Variants in EPHA3 observed in about 807,000 individuals in gnomAD.
The protein encoded by EPHA3 is ephrin type-A receptor 3.
In EPHA3, 42 loss-of-function variants were observed where a neutral mutation model predicts 107.1. The ratio of observed to expected loss-of-function variants is 0.39; its 90% confidence interval spans 0.31 to 0.51. The LOEUF (loss-of-function observed/expected upper bound fraction) is 0.51, where lower values mean the gene tolerates loss of function less well. Ranked by LOEUF, EPHA3 falls within the 20% of genes least tolerant of loss-of-function variation. The probability of loss-of-function intolerance (pLI) is 0.78; values close to 1 mark genes in which losing one functional copy is unlikely to be tolerated. For missense variants in EPHA3, 1,183 were observed against 1,211.2 expected (o/e 0.98, Z 0.35); for synonymous variants, 461 against 424.8 (o/e 1.09, Z -1.05).
At chr3:89,214,818 A>G (rs1704187072) in intron 3 of EPHA3, among the ~76,000 whole-genome samples, 1 of 151,888 alleles carries the variant, frequency 6.6e-6, no homozygotes, top group Non-Finnish European at 1.5e-5. Flanking sequence ...TTTATATTGT[A>G]TATTCAGAAA....
intron 3 of EPHA3, among the ~76,000 whole-genome samples, chr3:89,280,565 G>T (rs554334680): frequency 6.6e-6 from 1 of 152,128 alleles, no homozygotes; most frequent in Non-Finnish European, 1.5e-5. Context: ...AGAGAGTCAC[G>T]TGTGGTATAA....
chr3:89,209,807 T>C, intron 2 of EPHA3, 53 bp from the exon 3 acceptor site: 3 of 1,441,410 alleles, frequency 2.1e-6, no homozygotes, highest in Non-Finnish European at 2.8e-6. Context: ...TTATGTTGTA[T>C]TCGTTATTAT....
At chr3:89,124,738 A>G in intron 1 of EPHA3, among the ~76,000 whole-genome samples, 1 of 152,016 alleles carries the variant, frequency 6.6e-6, no homozygotes, top group East Asian at 1.9e-4. Flanking sequence ...ACATTGCAAG[A>G]TACTCAGGGT....
intron 2 of EPHA3, among the ~76,000 whole-genome samples, chr3:89,174,110 A>G (rs1187661816): frequency 6.6e-6 from 1 of 152,050 alleles, no homozygotes. Context: ...GAGATAAGTT[A>G]TAATAGTTTT....
chr3:89,214,655 C>T (rs1373242873), intron 3 of EPHA3, among the ~76,000 whole-genome samples: 1 of 151,796 alleles, frequency 6.6e-6, no homozygotes, highest in African/African-American at 2.4e-5. Flanking sequence ...GGTGATATTT[C>T]CTCCATTATC....
chr3:89,173,786 A>G (rs1437886130), intron 2 of EPHA3, among the ~76,000 whole-genome samples: 4 of 152,036 alleles, frequency 2.6e-5, no homozygotes, highest in Non-Finnish European at 5.9e-5. Context: ...GAACTAAAAC[A>G]ATGTGTTTAG....
intron 11 of EPHA3, among the ~76,000 whole-genome samples, chr3:89,424,053 C>T (rs570776329): frequency 2.6e-4 from 40 of 151,392 alleles, no homozygotes; most frequent in African/African-American, 9.4e-4. Flanking sequence ...CTCTAAATGC[C>T]GAGGCTAGTA....
chr3:89,132,105 G>T (rs1271840584), intron 2 of EPHA3, among the ~76,000 whole-genome samples: 2 of 152,174 alleles, frequency 1.3e-5, no homozygotes, highest in African/African-American at 4.8e-5. Context: ...TTTTCCTCCT[G>T]ATGGAGAGAT....
At chr3:89,357,787 C>G (rs1707999480) in intron 5 of EPHA3, among the ~76,000 whole-genome samples, 1 of 151,096 alleles carries the variant, frequency 6.6e-6, no homozygotes, top group African/African-American at 2.4e-5. Context: ...ACATAGCATG[C>G]TTTTCTCTTG....
chr3:89,354,899 G>T (rs1707910925), intron 5 of EPHA3, among the ~76,000 whole-genome samples: 1 of 151,058 alleles, frequency 6.6e-6, no homozygotes, highest in Non-Finnish European at 1.5e-5. Context: ...GCTGAAGAAA[G>T]AAATATATAA....
At chr3:89,219,171 T>C (rs973452929) in intron 3 of EPHA3, among the ~76,000 whole-genome samples, 1 of 152,120 alleles carries the variant, frequency 6.6e-6, no homozygotes, top group Non-Finnish European at 1.5e-5. Flanking sequence ...ACAACATTTT[T>C]TTTTTTTTCG....
intron 7 of EPHA3, among the ~76,000 whole-genome samples, chr3:89,405,135 G>T (rs1408020200): frequency 6.6e-6 from 1 of 152,056 alleles, no homozygotes; most frequent in African/African-American, 2.4e-5. Context: ...TGAGATGTAG[G>T]TCTGTCATTT....
chr3:89,317,052 G>C lies in EPHA3; in HGVS notation c.815-23864G>C, dbSNP rs555312406. Among the ~76,000 whole-genome samples the C allele has an allele frequency of 2.6e-5, 4 of 151,756 alleles. No homozygotes were observed. The East Asian group carries it at 7.8e-4, about 29-fold the overall frequency. Reference sequence around the variant, plus strand: ...CATATCCATCCTACTGCCACTCAAGGCTGCCCTCCTTTTTAAAATCTACTT... The same window carrying C: ...CATATCCATCCTACTGCCACTCAAGCCTGCCCTCCTTTTTAAAATCTACTT... On this transcript the variant is annotated intron_variant, in intron 3 of 16. Coordinates refer to ENST00000336596, the MANE Select transcript of EPHA3 (RefSeq NM_005233.6).
chr3:89,244,040 G>A (rs529437885), intron 3 of EPHA3, among the ~76,000 whole-genome samples: 14 of 152,210 alleles, frequency 9.2e-5, no homozygotes, highest in South Asian at 8.3e-4. Flanking sequence ...ATATGGTGCT[G>A]TGACTTGTCT....
chr3:89,223,118 G>T (rs1453237003), intron 3 of EPHA3, among the ~76,000 whole-genome samples: 1 of 152,080 alleles, frequency 6.6e-6, no homozygotes, highest in Admixed American at 6.5e-5. Context: ...GGCTTTCATT[G>T]TTTATACTTG....
chr3:89,460,411 C>A (rs1406042863), intron 15 of EPHA3, among the ~76,000 whole-genome samples: 1 of 152,088 alleles, frequency 6.6e-6, no homozygotes, highest in African/African-American at 2.4e-5. Context: ...TTCTGCAGAC[C>A]CAATTATATT....
Position 89,288,200 on chromosome 3 carries a change from G to T in EPHA3, c.815-52716G>T, listed in dbSNP as rs148981917. 2.2e-3 allele frequency among the ~76,000 whole-genome samples: 331 copies of T among 152,120 alleles called. 1 individual carries two copies. The highest frequency in any genetic ancestry group is 7.6e-3 in the African/African-American group (317 of 41,516). ...TTACCATCATGCAAAACAATGTCACGTAGTCAATGTTGGATATTCAGGCTA... is the reference window on the plus strand; with the variant it reads ...TTACCATCATGCAAAACAATGTCACTTAGTCAATGTTGGATATTCAGGCTA... On this transcript the variant is annotated intron_variant, in intron 3 of 16. Transcript: ENST00000336596.
At chr3:89,278,840 C>T (rs114195645) in intron 3 of EPHA3, among the ~76,000 whole-genome samples, 1 of 152,202 alleles carries the variant, frequency 6.6e-6, no homozygotes, top group African/African-American at 2.4e-5. Context: ...AATTAACTTC[C>T]AAAAAGAGGA....
At chr3:89,373,451 A>G (rs1708345365) in intron 5 of EPHA3, among the ~76,000 whole-genome samples, 3 of 151,842 alleles carry the variant, frequency 2.0e-5, no homozygotes, top group Admixed American at 6.6e-5. Flanking sequence ...ACAAAACAAA[A>G]CCCTGGTGTA....
Sources: allele counts gnomAD v4.1 joint callset (sites outside exome capture counted in the v4.1 genomes callset), GRCh38; gene constraint gnomAD v4.1.1; transcripts MANE v1.5; gene names NCBI Gene and HGNC (gene_info 2026-07-23, HGNC 2026-07-21).